The following ADGRA2 variants were observed in gnomAD, a reference collection of about 807,000 sequenced individuals.
ADGRA2 encodes the protein G-protein coupled receptor 124.
In ADGRA2, 61 loss-of-function variants were observed where a neutral mutation model predicts 98.7. That is an observed-to-expected ratio of 0.62 (90% CI 0.50 to 0.76). ADGRA2 has a LOEUF of 0.76. Among genes scored for constraint, ADGRA2 ranks in the 30% least tolerant of loss-of-function variants. The probability of loss-of-function intolerance (pLI) is 0.00; values close to 1 mark genes in which losing one functional copy is unlikely to be tolerated. For missense variants in ADGRA2, 1,712 were observed against 1,860.0 expected, an observed-to-expected ratio of 0.92 and a Z score of 1.46; for synonymous variants, 858 against 831.5, an observed-to-expected ratio of 1.03 and a Z score of -0.55.
rs1400133789 is a variant in ADGRA2, at chr8:37,829,343, G to A, written c.482+11G>A. 1.9e-6 allele frequency: 3 copies of A among 1,610,606 alleles called. No homozygotes were observed. Among genetic ancestry groups the A allele is most frequent in the Non-Finnish European group, 8.5e-7 (1 of 1,177,140 alleles). The stretch of plus-strand genomic sequence containing the variant: ...CAGGCTTCTCCGACTGTAAGTGATG[G>A]GGTGAGAAGTGGGGAGGGGAGGAGA... On this transcript the variant is annotated intron_variant, in intron 4 of 18. Transcript: ENST00000412232.
At chr8:37,803,467 A>G (rs1804564990) in intron 1 of ADGRA2, among the ~76,000 whole-genome samples, 1 of 152,192 alleles carries the variant, frequency 6.6e-6, no homozygotes, top group South Asian at 2.1e-4. Context: ...GCTAACCGCT[A>G]GGAAGGGCTG....
At chr8:37,837,974 A>T in intron 14 of ADGRA2, 35 bp downstream of exon 14, 27 of 1,314,760 alleles carry the variant, frequency 2.1e-5, no homozygotes, top group Non-Finnish European at 2.7e-5. Flanking sequence ...TCGGGGGGGC[A>T]GGGACACGGG....
In ADGRA2 at chr8:37,830,282, T is replaced by G. The variant is rs1424686212; in HGVS notation, c.718+268T>G. 6.6e-6 allele frequency among the ~76,000 whole-genome samples: 1 copy of G among 152,130 alleles called. No homozygotes were observed. Among genetic ancestry groups the G allele is most frequent in the Non-Finnish European group, 1.5e-5 (1 of 68,022 alleles). ...TGCAACAGCTCTCCCACAAAAAGAA[T>G]CACATTTACTATCCCAGCGACCCTC... is the stretch of plus-strand genomic sequence containing the variant. On this transcript the variant is annotated intron_variant, in intron 6 of 18. Transcript: ENST00000412232. The surrounding 1 kb of genome is among the most constrained non-coding windows in gnomAD (Gnocchi z 4.8).
At chr8:37,829,588 C>T in intron 5 of ADGRA2, 29 bp downstream of exon 5, 1 of 1,498,466 alleles carries the variant, frequency 6.7e-7, no homozygotes, top group Non-Finnish European at 9.3e-7. Flanking sequence ...CTCAAGGACC[C>T]AGACCCCTGT....
At chr8:37,819,405 C>T (rs1585385663) in intron 2 of ADGRA2, among the ~76,000 whole-genome samples, 1 of 152,300 alleles carries the variant, frequency 6.6e-6, no homozygotes. Flanking sequence ...TGGAGTCTCG[C>T]TCTGTCACCA....
chr8:37,809,125 T>G (rs1208951102), intron 1 of ADGRA2, among the ~76,000 whole-genome samples: 1 of 152,022 alleles, frequency 6.6e-6, no homozygotes, highest in Non-Finnish European at 1.5e-5. Context: ...ATCTAGCCTC[T>G]ACAAAAACAT....
In ADGRA2 at chr8:37,833,655, C is replaced by T. The variant is rs370602827; in HGVS notation, c.1297-33C>T. On this transcript the variant is annotated intron_variant, in intron 9 of 18. Coordinates refer to ENST00000412232, the MANE Select transcript of ADGRA2 (RefSeq NM_032777.10). ...GCAGTTCGGGGGCAGAAGGAACAGG[C>T]GAGATGATCCTCTCTCTTCCCCCAA... is the stretch of plus-strand genomic sequence containing the variant. The T allele has an allele frequency of 4.8e-4, 780 of 1,609,420 alleles. 1 individual carries two copies. The highest frequency in any genetic ancestry group is 6.3e-4 in the Non-Finnish European group (744 of 1,176,688).
At chr8:37,813,753 C>T (rs1804907650) in intron 1 of ADGRA2, among the ~76,000 whole-genome samples, 1 of 152,224 alleles carries the variant, frequency 6.6e-6, no homozygotes, top group South Asian at 2.1e-4. Context: ...TGGCCACTGT[C>T]TTCTCCACGA....
chr8:37,826,599 C>A (rs1346947360), intron 2 of ADGRA2, among the ~76,000 whole-genome samples: 1 of 152,104 alleles, frequency 6.6e-6, no homozygotes, highest in Non-Finnish European at 1.5e-5. Context: ...TGGGAAGGAG[C>A]TGAGGGTGAG....
In ADGRA2 at chr8:37,830,973, C is replaced by G. The variant is rs541739876; in HGVS notation, c.932+50C>G. 2.2e-5 allele frequency: 31 copies of G among 1,379,810 alleles called. 1 individual carries two copies. The South Asian group carries it at 4.0e-4, about 18-fold the overall frequency. 85.5% of individuals were successfully genotyped at this position (1,379,810 alleles called of 1,614,324 possible). ...AGGCCTCAGCATGGGGTTAGGGGAC[C>G]TACCCTACCCGTCACCACCCCGCAA... On this transcript the variant is annotated intron_variant, in intron 7 of 18. Coordinates refer to ENST00000412232, the MANE Select transcript of ADGRA2 (RefSeq NM_032777.10). This position sits in a 1 kb window ranked among gnomAD's most constrained non-coding sequence, Gnocchi z 4.8.
At position 37,840,204 on chromosome 8, in the gene ADGRA2, C is replaced by A. The variant is rs781219697; in HGVS notation, c.2595C>A (p.Thr865=). Residue 865 remains threonine (T), a synonymous_variant, in exon 17 of 19, where the codon ACC becomes ACA. Coordinates refer to ENST00000412232, the MANE Select transcript of ADGRA2 (RefSeq NM_032777.10). Reference sequence around the variant, plus strand: ...CGCGAGTGCTCCATAAGGAGCTCACCTGGAGGGCACCCCCTCCGCAAGAAG... The same window carrying A: ...CGCGAGTGCTCCATAAGGAGCTCACATGGAGGGCACCCCCTCCGCAAGAAG... ...VKARVLHKEL[T]WRAPPPQEGD... 3 of 1,612,736 alleles carry A rather than the reference C, an allele frequency of 1.9e-6. No individual in the cohort carries two copies. Among genetic ancestry groups the A allele is most frequent in the Non-Finnish European group, 2.5e-6 (3 of 1,179,818 alleles).
Position 37,830,293 on chromosome 8 carries a change from A to G in ADGRA2, c.718+279A>G, listed in dbSNP as rs1345119358. On this transcript the variant is annotated intron_variant, in intron 6 of 18. Transcript: ENST00000412232. This position sits in a 1 kb window ranked among gnomAD's most constrained non-coding sequence, Gnocchi z 4.8. ...TCCCACAAAAAGAATCACATTTACT[A>G]TCCCAGCGACCCTCCCTGTGAGGCG... Among the ~76,000 whole-genome samples, 1 of 152,092 alleles carries G rather than the reference A, an allele frequency of 6.6e-6. No homozygotes were observed. Among genetic ancestry groups the G allele is most frequent in the Non-Finnish European group, 1.5e-5 (1 of 68,022 alleles).
intron 2 of ADGRA2, among the ~76,000 whole-genome samples, chr8:37,817,680 T>C (rs1025450364): frequency 6.6e-6 from 1 of 151,012 alleles, no homozygotes; most frequent in Non-Finnish European, 1.5e-5. Flanking sequence ...GCACTCCAGC[T>C]TGGGCAAAAG....
At chr8:37,837,368 C>A (rs1215638674) in intron 13 of ADGRA2, among the ~76,000 whole-genome samples, 2 of 151,060 alleles carry the variant, frequency 1.3e-5, no homozygotes, top group East Asian at 3.9e-4. Context: ...CCGCCTCCCT[C>A]CTCCCTCCTC....
At position 37,842,136 on chromosome 8, in the gene ADGRA2, G is replaced by A. The variant is rs948762513; in HGVS notation, c.3798G>A (p.Ala1266=). 2.0e-6 allele frequency: 3 copies of A among 1,498,270 alleles called. No individual in the cohort carries two copies. The highest frequency in any genetic ancestry group is 1.8e-6 in the Non-Finnish European group (2 of 1,131,268). 92.8% of individuals were successfully genotyped at this position (1,498,270 alleles called of 1,614,324 possible). A position where few individuals can be genotyped will look rare whatever the true frequency, so the allele number is the denominator to read the frequency against. ...SDTSAAPLSE[A]GRAGQRRSAS... ...CCAGCGCCGCGCCGCTTTCTGAGGC[G>A]GGCCGGGCAGGCCAGCGCCGCAGCG... is the stretch of plus-strand genomic sequence containing the variant. Residue 1266 remains alanine (A), a synonymous_variant, in exon 19 of 19, where the codon GCG becomes GCA. Transcript: ENST00000412232.
In ADGRA2 at chr8:37,830,755, G is replaced by A. The variant is rs1237759441; in HGVS notation, c.764G>A (p.Arg255His). The A allele has an allele frequency of 2.1e-5, 34 of 1,605,198 alleles. No homozygotes were observed. Among genetic ancestry groups the A allele is most frequent in the African/African-American group, 2.7e-5 (2 of 74,692 alleles). ...LHTHHLIPSL[R>H]QVVFQGDRLP... Reference sequence around the variant, plus strand: ...ACACACCACCTCATCCCGTCCCTACGCCAAGTGGTGTTCCAGGGGGATCGG... The same window carrying A: ...ACACACCACCTCATCCCGTCCCTACACCAAGTGGTGTTCCAGGGGGATCGG... Residue 255 changes from arginine (R) to histidine (H), a missense_variant, in exon 7 of 19, where the codon CGC (arginine) becomes CAC (histidine). Physicochemically the swap from Arg to His is conservative, Grantham distance 29 (BLOSUM62 0). Coordinates refer to ENST00000412232, the MANE Select transcript of ADGRA2 (RefSeq NM_032777.10). The surrounding 1 kb of genome is among the most constrained non-coding windows in gnomAD (Gnocchi z 4.8).
chr8:37,816,841 G>A (rs545491276), intron 2 of ADGRA2, among the ~76,000 whole-genome samples: 111 of 151,624 alleles, frequency 7.3e-4, no homozygotes, highest in African/African-American at 2.6e-3. Context: ...GCTTGAACCC[G>A]GGAGGTGGAG....
intron 2 of ADGRA2, among the ~76,000 whole-genome samples, chr8:37,820,762 G>T (rs530944059): frequency 1.4e-4 from 21 of 151,726 alleles, no homozygotes; most frequent in African/African-American, 5.1e-4. Context: ...CTGTGTGTAC[G>T]TGAGGGGGTC....
chr8:37,828,675 C>T (rs1454141075), intron 2 of ADGRA2, among the ~76,000 whole-genome samples: 65 of 146,486 alleles, frequency 4.4e-4, no homozygotes, highest in African/African-American at 1.5e-3. Flanking sequence ...TTAGTAGAGA[C>T]GGGGTTTCAC....
Sources: allele counts gnomAD v4.1 joint callset (sites outside exome capture counted in the v4.1 genomes callset), GRCh38; gene constraint gnomAD v4.1.1; non-coding constraint Gnocchi (gnomAD v3.1); transcripts MANE v1.5; gene names NCBI Gene and HGNC (gene_info 2026-07-23, HGNC 2026-07-21).